CHN2: variants seen among roughly 807,000 people sequenced by gnomAD.
CHN2 encodes the protein chimerin 2, also known as beta-chimaerin.
In CHN2, 35 loss-of-function variants were observed where a neutral mutation model predicts 56.3. The ratio of observed to expected loss-of-function variants is 0.62; its 90% confidence interval spans 0.47 to 0.82. The LOEUF (loss-of-function observed/expected upper bound fraction) is 0.82. CHN2 is among the 40% of genes least tolerant of loss of function. The pLI is 0.00. For missense variants in CHN2, 491 were observed against 580.5 expected (o/e 0.85, Z 1.58); for synonymous variants, 210 against 212.8 (o/e 0.99, Z 0.12).
At chr7:29,499,770 C>T (rs1292521089) in intron 8 of CHN2, 97 bp from the exon 9 acceptor site, 1 of 1,152,122 alleles carries the variant, frequency 8.7e-7, no homozygotes, top group Non-Finnish European at 1.2e-6. Flanking sequence ...TATGTCAAAC[C>T]CTTGGGTGGT....
chr7:29,212,422 C>A, intron 1 of CHN2: 1 of 1,607,498 alleles, frequency 6.2e-7, no homozygotes, highest in East Asian at 2.2e-5. Flanking sequence ...TTGCAAATGT[C>A]TTCTGCTGAG....
At chr7:29,279,496 C>A (rs555159965) in intron 1 of CHN2, among the ~76,000 whole-genome samples, 1 of 152,354 alleles carries the variant, frequency 6.6e-6, no homozygotes, top group South Asian at 2.1e-4. Context: ...GTTGGGAATA[C>A]CTTCACTAGA....
At chr7:29,457,690 G>T (rs1784867839) in intron 6 of CHN2, among the ~76,000 whole-genome samples, 2 of 152,334 alleles carry the variant, frequency 1.3e-5, no homozygotes, top group East Asian at 3.9e-4. Context: ...GTATCAGGAG[G>T]GAAACGCAAG....
At position 29,273,371 on chromosome 7, in the gene CHN2, A is replaced by ATGTG. The variant is rs1554387285; in HGVS notation, c.49+78382_49+78383insGTGT. On this transcript the variant is annotated intron_variant, in intron 1 of 12. Coordinates refer to ENST00000222792, the MANE Select transcript of CHN2 (RefSeq NM_004067.4). ...TATATATATATATATATATATATAT[A>ATGTG]TATATATATATATATATACACACAC... is the stretch of plus-strand genomic sequence containing the variant. Among the ~76,000 whole-genome samples, 127 of 48,582 alleles carry ATGTG rather than the reference A, an allele frequency of 2.6e-3. 3 individuals are homozygous for ATGTG. The highest frequency in any genetic ancestry group is 3.7e-3 in the Non-Finnish European group (102 of 27,316). The allele number at this position is 48,582 out of a possible 152,430, so 31.9% of individuals were successfully genotyped here. A position where few individuals can be genotyped will look rare whatever the true frequency, so the allele number is the denominator to read the frequency against.
At chr7:29,334,120 C>T (rs912229245) in intron 1 of CHN2, among the ~76,000 whole-genome samples, 3 of 146,238 alleles carry the variant, frequency 2.1e-5, no homozygotes, top group South Asian at 4.3e-4. Context: ...GGCGCGATCT[C>T]GGCTCACTGC....
At chr7:29,471,133 T>C (rs1785990801) in intron 6 of CHN2, among the ~76,000 whole-genome samples, 1 of 152,240 alleles carries the variant, frequency 6.6e-6, no homozygotes, top group Non-Finnish European at 1.5e-5. Flanking sequence ...TTCTAAAGTT[T>C]AGCATTTGAG....
intron 2 of CHN2, among the ~76,000 whole-genome samples, chr7:29,360,443 C>A (rs1166463303): frequency 6.6e-6 from 1 of 152,128 alleles, no homozygotes; most frequent in Non-Finnish European, 1.5e-5. Context: ...ATCCTTGAAG[C>A]CAGGAGGCAG....
intron 1 of CHN2, among the ~76,000 whole-genome samples, chr7:29,215,022 A>G (rs1211811868): frequency 6.6e-6 from 1 of 152,190 alleles, no homozygotes; most frequent in Non-Finnish European, 1.5e-5. Flanking sequence ...AGACACTGCC[A>G]CACCAGAACT....
At chr7:29,160,857 T>C (rs1795077106) in intron 2 of CHN2, among the ~76,000 whole-genome samples, 1 of 152,198 alleles carries the variant, frequency 6.6e-6, no homozygotes, top group Admixed American at 6.5e-5. Context: ...CTATTAATCA[T>C]TGACACTAGG....
At chr7:29,273,031 G>A (rs1044033343) in intron 1 of CHN2, among the ~76,000 whole-genome samples, 1 of 151,814 alleles carries the variant, frequency 6.6e-6, no homozygotes, top group Non-Finnish European at 1.5e-5. Context: ...TAGTCCTCAC[G>A]GTGTACATTA....
intron 1 of CHN2, among the ~76,000 whole-genome samples, chr7:29,206,928 C>T (rs1375714682): frequency 6.6e-6 from 1 of 151,996 alleles, no homozygotes; most frequent in African/African-American, 2.4e-5. Flanking sequence ...ATGAGTTGTC[C>T]CCTGCGGCTG....
chr7:29,489,221 G>T (rs115233562), intron 7 of CHN2, among the ~76,000 whole-genome samples: 2 of 152,114 alleles, frequency 1.3e-5, no homozygotes, highest in African/African-American at 4.8e-5. Flanking sequence ...ACCTTATCTC[G>T]TGTAATATCA....
chr7:29,174,109 G>C (rs1482862315), intron 2 of CHN2, among the ~76,000 whole-genome samples: 1 of 152,134 alleles, frequency 6.6e-6, no homozygotes, highest in Non-Finnish European at 1.5e-5. Flanking sequence ...AGGAAGACTA[G>C]GGCAGGGCAA....
At chr7:29,482,797 CTTTTTTTTTTTTTTTTTTTTTTTTTTT>C (rs375120538) in intron 7 of CHN2, among the ~76,000 whole-genome samples, 6 of 64,206 alleles carry the variant, frequency 9.3e-5, no homozygotes, top group African/African-American at 1.2e-4. Flanking sequence ...GCACTTTTTT[CTTTTTTTTTTTTTTTTTTTTTTTTTTT>C]TTTTTTTTTT....
At chr7:29,230,850 A>G (rs904603764) in intron 1 of CHN2, among the ~76,000 whole-genome samples, 19 of 151,922 alleles carry the variant, frequency 1.3e-4, no homozygotes, top group African/African-American at 4.4e-4. Context: ...TGTAGTGACA[A>G]TTCTTTATTT....
At chr7:29,152,967 A>G (rs766654727) in intron 2 of CHN2, among the ~76,000 whole-genome samples, 1 of 152,218 alleles carries the variant, frequency 6.6e-6, no homozygotes, top group Non-Finnish European at 1.5e-5. Context: ...GTCATCCTCT[A>G]TCTGAGGGGT....
intron 1 of CHN2, among the ~76,000 whole-genome samples, chr7:29,237,716 G>A (rs1327203969): frequency 6.6e-6 from 1 of 152,120 alleles, no homozygotes; most frequent in African/African-American, 2.4e-5. Flanking sequence ...CAATAGAGCT[G>A]GAGGCCTCAG....
At chr7:29,353,586 G>A (rs750524616) in intron 1 of CHN2, among the ~76,000 whole-genome samples, 13 of 152,230 alleles carry the variant, frequency 8.5e-5, no homozygotes, top group South Asian at 6.2e-4. Flanking sequence ...CCCAGGATGC[G>A]AAGGTTGCAG....
intron 1 of CHN2, among the ~76,000 whole-genome samples, chr7:29,230,320 T>C (rs1213695028): frequency 1.3e-5 from 2 of 152,224 alleles, no homozygotes; most frequent in Non-Finnish European, 2.9e-5. Context: ...CTAAATCTTT[T>C]ATAAAATAGT....
Sources: allele counts gnomAD v4.1 joint callset (sites outside exome capture counted in the v4.1 genomes callset), GRCh38; gene constraint gnomAD v4.1.1; transcripts MANE v1.5; gene names NCBI Gene and HGNC (gene_info 2026-07-23, HGNC 2026-07-21).